The following ADK variants were observed in gnomAD, a reference collection of about 807,000 sequenced individuals.
ADK encodes adenosine kinase.
ADK carries 24 observed loss-of-function variants against 44.7 expected under a neutral mutation model. The ratio of observed to expected loss-of-function variants is 0.54; its 90% CI spans 0.39 to 0.76. ADK has a LOEUF of 0.76. Ranked by LOEUF, ADK falls within the 30% of genes least tolerant of loss-of-function variation. The pLI is 0.00. For synonymous variants in ADK, 128 were observed against 142.6 expected (o/e 0.90, Z 0.73); for missense variants, 321 against 425.1 (o/e 0.76, Z 2.15).
Position 74,495,253 on chromosome 10 carries a change from G to A in ADK, c.556-30003G>A, listed in dbSNP as rs1186597191. 6.6e-5 allele frequency among the ~76,000 whole-genome samples: 10 copies of A among 151,378 alleles called. No individual in the cohort carries two copies. In the South Asian group the frequency reaches 1.9e-3, roughly 28 times the overall value. ...TTTTAAATGAAATTTTACTTCCTGG[G>A]TTGATCCTCTATTTTTCATTTTTTC... On this transcript the variant is annotated intron_variant, in intron 6 of 10. Coordinates refer to ENST00000539909, the MANE Select transcript of ADK (RefSeq NM_006721.4).
chr10:74,467,931 A>G (rs954563098), intron 6 of ADK, among the ~76,000 whole-genome samples: 4 of 152,268 alleles, frequency 2.6e-5, no homozygotes, highest in African/African-American at 7.2e-5. Context: ...CTGACAGCCA[A>G]TTCTCAAACC....
At chr10:74,425,429 C>G in intron 6 of ADK, among the ~76,000 whole-genome samples, 1 of 151,828 alleles carries the variant, frequency 6.6e-6, no homozygotes, top group East Asian at 1.9e-4. Flanking sequence ...AATTAGACTT[C>G]GTATCGTTAA....
At chr10:74,220,791 C>A (rs941049762) in intron 2 of ADK, among the ~76,000 whole-genome samples, 18 of 152,124 alleles carry the variant, frequency 1.2e-4, no homozygotes, top group Non-Finnish European at 2.5e-4. Context: ...TCAGTAGATG[C>A]AGAAAAGGCC....
chr10:74,527,444 A>G (rs915206235), intron 7 of ADK: 40 of 498,644 alleles, frequency 8.0e-5, no homozygotes, highest in African/African-American at 5.6e-4. Flanking sequence ...GGGAGATTGA[A>G]TGCCATAAAA....
At chr10:74,417,513 C>T (rs1339531987) in intron 6 of ADK, among the ~76,000 whole-genome samples, 1 of 152,054 alleles carries the variant, frequency 6.6e-6, no homozygotes, top group Non-Finnish European at 1.5e-5. Context: ...ATCAGTATGT[C>T]CACTGGCTTA....
At chr10:74,586,664 A>G (rs962496782) in intron 7 of ADK, among the ~76,000 whole-genome samples, 5 of 151,976 alleles carry the variant, frequency 3.3e-5, no homozygotes, top group Non-Finnish European at 2.9e-5. Flanking sequence ...GACCAGCCTG[A>G]TCAATATGGT....
At chr10:74,345,407 A>C (rs1841731883) in intron 4 of ADK, among the ~76,000 whole-genome samples, 1 of 151,980 alleles carries the variant, frequency 6.6e-6, no homozygotes, top group South Asian at 2.1e-4. Flanking sequence ...TCCCAGGTTT[A>C]AGTGATCCTC....
intron 4 of ADK, among the ~76,000 whole-genome samples, chr10:74,362,307 C>T (rs1243610162): frequency 1.3e-5 from 2 of 151,510 alleles, no homozygotes; most frequent in African/African-American, 4.8e-5. Flanking sequence ...TTTGAACTCA[C>T]TGATTCTTTT....
At chr10:74,534,210 C>T (rs1055315708) in intron 7 of ADK, among the ~76,000 whole-genome samples, 3 of 152,154 alleles carry the variant, frequency 2.0e-5, no homozygotes, top group Non-Finnish European at 4.4e-5. Context: ...GTACTTTATA[C>T]ATACGTCAAG....
intron 6 of ADK, among the ~76,000 whole-genome samples, chr10:74,485,703 A>G (rs563990406): frequency 1.3e-5 from 2 of 152,136 alleles, no homozygotes; most frequent in African/African-American, 2.4e-5. Context: ...ATTATATCCA[A>G]TATCTAGAAC....
chr10:74,298,644 G>T (rs1454579387), intron 3 of ADK, among the ~76,000 whole-genome samples: 1 of 152,102 alleles, frequency 6.6e-6, no homozygotes, highest in Admixed American at 6.5e-5. Flanking sequence ...GGTGGCTCAT[G>T]CCTGTAATCT....
At chr10:74,168,548 AAAAG>A (rs1167009896) in intron 1 of ADK, among the ~76,000 whole-genome samples, 4 of 149,762 alleles carry the variant, frequency 2.7e-5, no homozygotes, top group Admixed American at 6.6e-5. Context: ...AAAAAAAAAA[AAAAG>A]AAAGAAAGAA....
intron 4 of ADK, among the ~76,000 whole-genome samples, chr10:74,317,563 GAAAAAAA>G (rs11310691): frequency 7.6e-6 from 1 of 131,134 alleles, no homozygotes; most frequent in African/African-American, 2.9e-5. Context: ...CTGTCTCTAG[GAAAAAAA>G]AAAAAAAAAA....
At chr10:74,240,989 T>TA (rs1206249437) in intron 3 of ADK, among the ~76,000 whole-genome samples, 27 of 152,228 alleles carry the variant, frequency 1.8e-4, no homozygotes, top group Admixed American at 3.3e-4. Context: ...TTCTTTGTTT[T>TA]ATCTGGAATG....
intron 4 of ADK, among the ~76,000 whole-genome samples, chr10:74,354,992 T>C (rs894697740): frequency 1.3e-5 from 2 of 152,248 alleles, no homozygotes; most frequent in Non-Finnish European, 2.9e-5. Flanking sequence ...AAATATTCAT[T>C]CCATACATTT....
At chr10:74,378,051 G>GTT (rs35681211) in intron 4 of ADK, among the ~76,000 whole-genome samples, 5 of 145,276 alleles carry the variant, frequency 3.4e-5, no homozygotes, top group Non-Finnish European at 3.0e-5. Context: ...CTGTGCCTCA[G>GTT]TTTTTTTTTT....
chr10:74,153,973 C>T (rs1841683765), intron 1 of ADK, among the ~76,000 whole-genome samples: 1 of 152,170 alleles, frequency 6.6e-6, no homozygotes, highest in African/African-American at 2.4e-5. Flanking sequence ...AGGTAAGGCA[C>T]AGGTACCATC....
At chr10:74,445,964 A>T (rs1184011725) in intron 6 of ADK, among the ~76,000 whole-genome samples, 1 of 152,078 alleles carries the variant, frequency 6.6e-6, no homozygotes, top group Non-Finnish European at 1.5e-5. Context: ...TAATTACTTC[A>T]GTAGTAATTC....
At chr10:74,483,819 C>A (rs1343043097) in intron 6 of ADK, among the ~76,000 whole-genome samples, 2 of 152,332 alleles carry the variant, frequency 1.3e-5, no homozygotes, top group South Asian at 4.1e-4. Context: ...GACCTTCACT[C>A]CATTTGCCAA....
Sources: allele counts gnomAD v4.1 joint callset (sites outside exome capture counted in the v4.1 genomes callset), GRCh38; gene constraint gnomAD v4.1.1; transcripts MANE v1.5; gene names NCBI Gene and HGNC (gene_info 2026-07-23, HGNC 2026-07-21).